The following CIMIP4 variants were observed in gnomAD, a reference collection of about 807,000 sequenced individuals.
CIMIP4 encodes protein EAN57.
chr22:36,999,815 C>A, the CIMIP4 span: 1 of 1,603,222 alleles, frequency 6.2e-7, no homozygotes, highest in Non-Finnish European at 8.5e-7. Flanking sequence ...GTGTTCACGG[C>A]CCCACCCTTG....
the CIMIP4 span, among the ~76,000 whole-genome samples, chr22:36,992,257 G>A: frequency 6.6e-6 from 1 of 152,178 alleles, no homozygotes; most frequent in African/African-American, 2.4e-5. Context: ...TGAGGTAGGA[G>A]AATTGCTTGA....
At chr22:36,991,659 T>C in the CIMIP4 span, 10 of 1,278,796 alleles carry the variant, frequency 7.8e-6, no homozygotes, top group Non-Finnish European at 1.1e-5. Context: ...ATGGCTTATA[T>C]TGGGTGTCAG....
chr22:36,993,299 G>A, the CIMIP4 span, among the ~76,000 whole-genome samples: 4 of 151,960 alleles, frequency 2.6e-5, 1 homozygote, highest in South Asian at 4.2e-4. Flanking sequence ...TGTGAGCCAC[G>A]GCGCCCAGCC....
the CIMIP4 span, chr22:37,000,084 C>G: frequency 7.0e-7 from 1 of 1,425,652 alleles, no homozygotes; most frequent in Non-Finnish European, 9.4e-7. Flanking sequence ...CCCTCCCCAC[C>G]CCGATCCCAC....
the CIMIP4 span, among the ~76,000 whole-genome samples, chr22:36,996,131 T>C: frequency 1.4e-5 from 2 of 145,242 alleles, no homozygotes; most frequent in Non-Finnish European, 3.1e-5. Context: ...AATTATTTTT[T>C]ATCTGGAAAA....
the CIMIP4 span, among the ~76,000 whole-genome samples, chr22:36,995,143 C>G: frequency 6.6e-6 from 1 of 152,052 alleles, no homozygotes; most frequent in Non-Finnish European, 1.5e-5. Context: ...ATCAGAATTC[C>G]AACAATGGAA....
the CIMIP4 span, chr22:36,999,891 A>G: frequency 6.2e-7 from 1 of 1,613,998 alleles, no homozygotes; most frequent in Non-Finnish European, 8.5e-7. Context: ...TAGTCTGAGA[A>G]GACGGAGGAG....
chr22:37,000,842 G>A, the CIMIP4 span, among the ~76,000 whole-genome samples: 1 of 152,204 alleles, frequency 6.6e-6, no homozygotes, highest in Admixed American at 6.5e-5. Flanking sequence ...AAGTGGGGCA[G>A]AACATGTCAA....
At chr22:37,003,088 T>C in the CIMIP4 span, among the ~76,000 whole-genome samples, 2 of 152,254 alleles carry the variant, frequency 1.3e-5, no homozygotes, top group African/African-American at 4.8e-5. Context: ...TCTTAAAAGA[T>C]ACATAAGGGC....
chr22:36,999,581 A>AGGGGG, the CIMIP4 span, among the ~76,000 whole-genome samples: 5 of 2,120 alleles, frequency 2.4e-3, no homozygotes, highest in East Asian at 0.013. Flanking sequence ...AGGGGAGGGG[A>AGGGGG]GGGGGGGATG....
At chr22:37,003,896 C>A in the CIMIP4 span, 8 of 1,481,414 alleles carry the variant, frequency 5.4e-6, no homozygotes, top group South Asian at 5.2e-5. Context: ...GGCCGGTGCC[C>A]TGCTGCCCCA....
At chr22:37,002,955 C>A in the CIMIP4 span, among the ~76,000 whole-genome samples, 1 of 152,222 alleles carries the variant, frequency 6.6e-6, no homozygotes, top group Non-Finnish European at 1.5e-5. Flanking sequence ...CTGCCCACAG[C>A]CTCCGCTTCT....
At chr22:37,004,705 T>TC in the CIMIP4 span, among the ~76,000 whole-genome samples, 1 of 151,672 alleles carries the variant, frequency 6.6e-6, no homozygotes, top group East Asian at 1.9e-4. Context: ...TTTTTTTTTT[T>TC]GAGACAGGGT....
At chr22:37,001,916 T>C in the CIMIP4 span, 7 of 1,613,438 alleles carry the variant, frequency 4.3e-6, no homozygotes, top group Non-Finnish European at 5.9e-6. Context: ...GCTGCCCTTC[T>C]GGTTCGTGGG....
chr22:36,994,009 T>C, the CIMIP4 span, among the ~76,000 whole-genome samples: 1 of 152,082 alleles, frequency 6.6e-6, no homozygotes. Context: ...TCTAACTATA[T>C]CAGGTGAAAT....
chr22:36,991,352 G>T, the CIMIP4 span: 1 of 1,565,936 alleles, frequency 6.4e-7, no homozygotes, highest in Admixed American at 1.7e-5. Flanking sequence ...CCCCAGGGAT[G>T]ACTCGTACCT....
chr22:37,001,775 G>T, the CIMIP4 span: 1 of 1,431,910 alleles, frequency 7.0e-7, no homozygotes, highest in Non-Finnish European at 9.3e-7. Flanking sequence ...ACTCAAGAGT[G>T]AGTTTATCTT....
At chr22:37,001,683 G>C in the CIMIP4 span, among the ~76,000 whole-genome samples, 2 of 152,210 alleles carry the variant, frequency 1.3e-5, no homozygotes, top group Non-Finnish European at 2.9e-5. Context: ...TATATGTGAA[G>C]TTTAAACAGT....
the CIMIP4 span, among the ~76,000 whole-genome samples, chr22:36,998,538 C>T: frequency 2.6e-5 from 4 of 152,156 alleles, no homozygotes; most frequent in South Asian, 2.1e-4. Flanking sequence ...GCATCTGAGC[C>T]ATCCAGAAGA....
Sources: gnomAD v4.1 joint callset for allele counts (sites outside exome capture counted in the v4.1 genomes callset) on GRCh38, gnomAD v4.1.1 for gene constraint, MANE v1.5 for transcripts, NCBI Gene and HGNC (gene_info 2026-07-23, HGNC 2026-07-21) for gene names.